CHUK: variants seen among roughly 807,000 people sequenced by gnomAD.
The protein encoded by CHUK is component of inhibitor of nuclear factor kappa B kinase complex, also known as inhibitor of nuclear factor kappa-B kinase subunit alpha.
Under a neutral mutation model 104.8 loss-of-function variants are expected in CHUK, and 35 were observed. The ratio of observed to expected loss-of-function variants is 0.33; its 90% confidence interval spans 0.26 to 0.44. The LOEUF is 0.44. Among genes scored for constraint, CHUK ranks in the 20% least tolerant of loss-of-function variants. CHUK has a pLI of 1.00. For missense variants in CHUK, 663 were observed against 902.7 expected (o/e 0.73, Z 3.40); for synonymous variants, 276 against 291.9 (o/e 0.95, Z 0.56).
At chr10:100,216,712 T>G (rs1442147967) in intron 9 of CHUK, among the ~76,000 whole-genome samples, 1 of 152,228 alleles carries the variant, frequency 6.6e-6, no homozygotes, top group African/African-American at 2.4e-5. Context: ...TTTAGAAACC[T>G]GTATACTACA....
chr10:100,194,081 T>TC lies in CHUK; in HGVS notation c.1876dup (p.Glu626GlyfsTer6), dbSNP rs2134207121. ...TTCTTTGATATTACTGAGGGCCACT[T>TC]CCACCTTAGGGAGTAGATCAATAAT... On this transcript the variant is annotated frameshift_variant, in exon 18 of 21. Coordinates refer to ENST00000370397, the MANE Select transcript of CHUK (RefSeq NM_001278.5). LOFTEE classifies it high-confidence loss of function. 6.2e-7 allele frequency: 1 copy of TC among 1,613,754 alleles called. No homozygotes were observed. The highest frequency in any genetic ancestry group is 1.1e-5 in the South Asian group (1 of 91,084).
At chr10:100,187,899 A>T (rs765345790), downstream of CHUK, 2 of 152,246 alleles carry the variant, frequency 1.3e-5, no homozygotes, top group Non-Finnish European at 2.9e-5. Context: ...AAGCACTTTT[A>T]CTATACTGCC....
At chr10:100,225,765 T>C (rs972986527) in intron 2 of CHUK, among the ~76,000 whole-genome samples, 158 bp downstream of exon 2, 1 of 152,182 alleles carries the variant, frequency 6.6e-6, no homozygotes, top group Non-Finnish European at 1.5e-5. Context: ...TTAATCTTAA[T>C]GTGATATTAT....
At chr10:100,191,244 G>A (rs976188536) in intron 19 of CHUK, among the ~76,000 whole-genome samples, 2 of 152,182 alleles carry the variant, frequency 1.3e-5, no homozygotes, top group Admixed American at 1.3e-4. Context: ...ATGCACTTAT[G>A]TACAACTTGT....
intron 10 of CHUK, 57 bp downstream of exon 10, chr10:100,209,538 G>A (rs1022442348): frequency 5.3e-5 from 58 of 1,086,212 alleles, no homozygotes; most frequent in Non-Finnish European, 3.3e-5. Context: ...AAATTGCAGG[G>A]CACGCAATCC....
intron 20 of CHUK, chr10:100,189,943 C>G: frequency 4.0e-6 from 1 of 249,838 alleles, no homozygotes; most frequent in South Asian, 5.5e-5. Context: ...AACTCCTGGG[C>G]TCATGCAATC....
chr10:100,220,527 C>A (rs1845962219), intron 5 of CHUK, 61 bp downstream of exon 5: 1 of 1,160,598 alleles, frequency 8.6e-7, no homozygotes, highest in Admixed American at 1.7e-5. Context: ...AGCTCAAGGA[C>A]TAACTATATC....
rs1368486960 is a variant in CHUK at position 100,194,026 on chromosome 10, T to C, written c.1932A>G (p.Gly644=). 8.1e-6 allele frequency: 13 copies of C among 1,613,958 alleles called. No individual in the cohort carries two copies. Among genetic ancestry groups the C allele is most frequent in the Admixed American group, 1.7e-5 (1 of 60,000 alleles). ...GATGCCATATTTCTTTCTGCCTTTT[T>C]CCCTGCATGAACATGACAGTATTGT... ...EADNTVMFMQ[G]KRQKEIWHLL... Residue 644 remains glycine (G), a synonymous_variant, in exon 18 of 21, where the codon GGA becomes GGG. Transcript: ENST00000370397.
At chr10:100,192,484 T>C in intron 19 of CHUK, 1 of 462,280 alleles carries the variant, frequency 2.2e-6, no homozygotes, top group Non-Finnish European at 2.8e-6. Context: ...CTTCCTGCCA[T>C]GTGCTTTTCT....
chr10:100,215,122 C>A (rs965425931), intron 9 of CHUK, among the ~76,000 whole-genome samples: 1 of 149,498 alleles, frequency 6.7e-6, no homozygotes, highest in Non-Finnish European at 1.5e-5. Context: ...GTAATCCCAG[C>A]TACTCGGGAG....
downstream of CHUK, chr10:100,187,703 C>G (rs189545749): frequency 1.4e-4 from 21 of 152,432 alleles, no homozygotes; most frequent in Admixed American, 9.8e-4. Context: ...CTGACTCACA[C>G]CATCTGCCCA....
At position 100,229,593 on chromosome 10, in the gene CHUK, C is replaced by A. The variant is rs1243037712; in HGVS notation, c.-61G>T. On this transcript the variant is annotated 5_prime_UTR_variant, in exon 1 of 21. Transcript: ENST00000370397. ...TGTTCCAAGGCCGGTTCCGGGCCGC[C>A]GATGCTCGCGCGTCTTTGTTCTCGC... 6.2e-6 allele frequency: 6 copies of A among 974,342 alleles called. No homozygotes were observed. The Admixed American group carries it at 1.3e-4, about 20-fold the overall frequency. 60.4% of individuals were successfully genotyped at this position (974,342 alleles called of 1,614,324 possible).
At chr10:100,228,160 A>G (rs1463902784) in intron 1 of CHUK, among the ~76,000 whole-genome samples, 3 of 152,236 alleles carry the variant, frequency 2.0e-5, no homozygotes, top group African/African-American at 7.2e-5. Context: ...TCCATGATGC[A>G]TGTAATTATT....
chr10:100,210,095 T>TTTA (rs1564836587), intron 9 of CHUK, among the ~76,000 whole-genome samples: 1,175 of 108,538 alleles, frequency 0.011, 12 homozygotes, highest in African/African-American at 0.042. Flanking sequence ...TTATTTATTT[T>TTTA]TTTTTTTTTT....
intron 2 of CHUK, among the ~76,000 whole-genome samples, chr10:100,225,352 T>A (rs1258098883): frequency 6.6e-6 from 1 of 152,350 alleles, no homozygotes; most frequent in East Asian, 1.9e-4. Flanking sequence ...GACACAGTAT[T>A]TGTCTTTTTG....
rs553691313 is a variant in CHUK at position 100,226,148 on chromosome 10, T to C, written c.106-131A>G. ...TTAAATATATTTATCCACAGCTCTC[T>C]TGAGGCAATGCTTTTTAAAAAGATA... On this transcript the variant is annotated intron_variant, in intron 1 of 20. Transcript: ENST00000370397. 4.1e-4 allele frequency: 267 copies of C among 646,600 alleles called. 4 individuals are homozygous for C. The highest frequency in any genetic ancestry group is 1.8e-3 in the Admixed American group (73 of 40,434). The allele number at this position is 646,600 out of a possible 1,614,324, so 40.1% of individuals were successfully genotyped here. A position where few individuals can be genotyped will look rare whatever the true frequency, so the allele number is the denominator to read the frequency against.
rs1327578 is a variant in CHUK at position 100,207,653 on chromosome 10, G to A, written c.1129-321C>T. On this transcript the variant is annotated intron_variant, in intron 10 of 20. Coordinates refer to ENST00000370397, the MANE Select transcript of CHUK (RefSeq NM_001278.5). ...ACATGCACGGGCTTCAAAAATACAA[G>A]GCAAGTAAAAAAAGTCAGACACAAG... 0.29 allele frequency among the ~76,000 whole-genome samples: 43,967 copies of A among 151,936 alleles called. 8,024 individuals carry two copies. Among genetic ancestry groups the A allele is most frequent in the Non-Finnish European group, 0.43 (29,049 of 67,926 alleles).
chr10:100,219,192 G>T, intron 6 of CHUK, 60 bp from the exon 7 acceptor site: 1 of 1,583,468 alleles, frequency 6.3e-7, no homozygotes, highest in Non-Finnish European at 8.7e-7. Flanking sequence ...CTTTATTTTT[G>T]ACCTACTATA....
intron 1 of CHUK, among the ~76,000 whole-genome samples, chr10:100,228,930 G>C (rs1385453031): frequency 6.6e-6 from 1 of 151,210 alleles, no homozygotes; most frequent in East Asian, 2.0e-4. Flanking sequence ...CCATCATGAA[G>C]CCTTCCTTGT....
Sources: gnomAD v4.1 joint callset for allele counts (sites outside exome capture counted in the v4.1 genomes callset) on GRCh38, gnomAD v4.1.1 for gene constraint, MANE v1.5 for transcripts, NCBI Gene and HGNC (gene_info 2026-07-23, HGNC 2026-07-21) for gene names.